Variants in CUZD1 observed in about 807,000 individuals in gnomAD.
CUZD1 encodes CUB and zona pellucida-like domain-containing protein 1.
In CUZD1, 42 loss-of-function variants were observed where a neutral mutation model predicts 53.1. The observed-to-expected ratio is 0.79, with a 90% CI of 0.62 to 1.02. The LOEUF (loss-of-function observed/expected upper bound fraction) is 1.02, where lower values mean the gene tolerates loss of function less well. Among genes scored for constraint, CUZD1 ranks in the 50% least tolerant of loss-of-function variants. The probability of loss-of-function intolerance (pLI) is 0.00; values close to 1 mark genes in which losing one functional copy is unlikely to be tolerated. For synonymous variants in CUZD1, 238 were observed against 257.2 expected, an observed-to-expected ratio of 0.93 and a Z score of 0.71; for missense variants, 670 against 715.7, an observed-to-expected ratio of 0.94 and a Z score of 0.73.
rs1175434748 is a variant in CUZD1 at position 122,845,691 on chromosome 10, A to T, written c.82+71T>A. The T allele has an allele frequency of 3.7e-6, 5 of 1,367,648 alleles. No individual in the cohort carries two copies. The East Asian group carries it at 9.4e-5, about 26-fold the overall frequency. 84.7% of individuals were successfully genotyped at this position (1,367,648 alleles called of 1,614,324 possible). ...GCCAACAGATATAAACACTTTGAAA[A>T]ATTTTGAAAGAGGCCTCTTAAGAGA... is the stretch of plus-strand genomic sequence containing the variant. On this transcript the variant is annotated intron_variant, in intron 1 of 8. Transcript: ENST00000392790.
Position 122,841,322 on chromosome 10 carries a change from G to C in CUZD1, c.89C>G (p.Ala30Gly), listed in dbSNP as rs1348112920. 12 of 1,603,410 alleles carry C rather than the reference G, an allele frequency of 7.5e-6. No homozygotes were observed. Among genetic ancestry groups the C allele is most frequent in the Non-Finnish European group, 8.5e-6 (10 of 1,175,408 alleles). Residue 30 changes from alanine (A) to glycine (G), a missense_variant, in exon 2 of 9, where the codon GCA becomes GGA. Transcript: ENST00000392790. ...ELTMAEAEGNASCTVSLGGAN... is the reference protein window; with the variant it reads ...ELTMAEAEGNGSCTVSLGGAN... ...ACCCCCTAGACTGACTGTGCAGCTT[G>C]CATTGCCTGTTAGAGATCACAGATG... is the stretch of plus-strand genomic sequence containing the variant.
intron 1 of CUZD1, among the ~76,000 whole-genome samples, chr10:122,843,677 T>C (rs1248953096): frequency 2.0e-5 from 3 of 151,820 alleles, no homozygotes; most frequent in Admixed American, 1.3e-4. Context: ...ATTTCATTTA[T>C]GTGAAATATC....
chr10:122,835,133 A>G (rs1847228712), intron 6 of CUZD1, 36 bp from the exon 7 acceptor site: 2 of 1,471,256 alleles, frequency 1.4e-6, no homozygotes, highest in Non-Finnish European at 1.8e-6. Flanking sequence ...TTTATATTTT[A>G]AGTCCAGTAA....
Position 122,837,037 on chromosome 10 carries a change from T to A in CUZD1, c.611A>T (p.Asp204Val). 1.2e-6 allele frequency: 2 copies of A among 1,611,594 alleles called. No homozygotes were observed. The highest frequency in any genetic ancestry group is 4.5e-5 in the East Asian group (2 of 44,798). Reference protein sequence around the residue: ...LNFKEIFLEIDKQCKFDFLAI... With the variant: ...LNFKEIFLEIVKQCKFDFLAI... ...AAGAAAATCAAATTTGCACTGTTTG[T>A]CTATTTCTAGGCTAGAGAATGAGGG... The change falls in exon 5 of 9, where the codon GAC (aspartate) becomes GTC (valine). Residue 204 changes from aspartate (D) to valine (V), a missense_variant. Transcript: ENST00000392790.
intron 6 of CUZD1, among the ~76,000 whole-genome samples, 196 bp downstream of exon 6, chr10:122,835,982 G>A (rs1285351505): frequency 6.6e-6 from 1 of 152,090 alleles, no homozygotes; most frequent in Non-Finnish European, 1.5e-5. Context: ...CACTTATCCT[G>A]AAAATGAATG....
intron 2 of CUZD1, among the ~76,000 whole-genome samples, chr10:122,840,890 G>C (rs1396089408): frequency 6.6e-6 from 1 of 152,106 alleles, no homozygotes. Context: ...TCTAACTCTG[G>C]TCATGCTATT....
intron 2 of CUZD1, among the ~76,000 whole-genome samples, chr10:122,840,681 C>G (rs1847327328): frequency 6.6e-6 from 1 of 152,134 alleles, no homozygotes; most frequent in South Asian, 2.1e-4. Context: ...TAAATGTATA[C>G]TTATTTCAAA....
At chr10:122,839,772 C>A (rs1847308295) in intron 2 of CUZD1, among the ~76,000 whole-genome samples, 1 of 152,220 alleles carries the variant, frequency 6.6e-6, no homozygotes, top group African/African-American at 2.4e-5. Flanking sequence ...TAGTTTGCTG[C>A]ACATTCTGAC....
At position 122,833,826 on chromosome 10, in the gene CUZD1, T is replaced by A. The variant is rs755740017; in HGVS notation, c.1497A>T (p.Lys499Asn). 2 of 1,614,066 alleles carry A rather than the reference T, an allele frequency of 1.2e-6. No individual in the cohort carries two copies. Among genetic ancestry groups the A allele is most frequent in the Admixed American group, 3.3e-5 (2 of 60,010 alleles). Residue 499 changes from lysine to asparagine, a missense_variant, in exon 8 of 9, where the codon AAA becomes AAT. Transcript: ENST00000392790. ...GGTCACTGCTATCACATATCAAAAC[T>A]TTACACTGCAGATACACAGAGCTCA... is the stretch of plus-strand genomic sequence containing the variant. Reference protein sequence around the residue: ...RSMSSVYLQCKVLICDSSDHQ... With the variant: ...RSMSSVYLQCNVLICDSSDHQ...
chr10:122,836,784 A>C (rs1471010597), intron 5 of CUZD1, 47 bp downstream of exon 5: 1 of 1,455,318 alleles, frequency 6.9e-7, no homozygotes, highest in African/African-American at 1.4e-5. Flanking sequence ...CTACATATGC[A>C]ATCTTCGAAG....
chr10:122,844,410 T>C (rs1289047436), intron 1 of CUZD1, among the ~76,000 whole-genome samples: 1 of 152,176 alleles, frequency 6.6e-6, no homozygotes, highest in Non-Finnish European at 1.5e-5. Context: ...ATTCTGTGTA[T>C]ATACTAAAAA....
intron 6 of CUZD1, 124 bp from the exon 7 acceptor site, chr10:122,835,221 G>A: frequency 1.6e-6 from 1 of 627,068 alleles, no homozygotes; most frequent in Non-Finnish European, 2.6e-6. Flanking sequence ...CAGCTTTCAT[G>A]TCAGAATACT....
chr10:122,836,084 G>A (rs1456900712), intron 6 of CUZD1, 94 bp downstream of exon 6: 38 of 1,221,216 alleles, frequency 3.1e-5, no homozygotes, highest in Admixed American at 5.3e-5. Context: ...TTTGGGGGTC[G>A]TTTGTTACAG....
At chr10:122,837,329 T>C in intron 4 of CUZD1, 75 bp downstream of exon 4, 3 of 1,489,662 alleles carry the variant, frequency 2.0e-6, no homozygotes, top group Non-Finnish European at 2.8e-6. Context: ...TATGATAATT[T>C]CTCTTCCCCA....
chr10:122,845,524 T>TA (rs1356012639), intron 1 of CUZD1, among the ~76,000 whole-genome samples: 3 of 152,326 alleles, frequency 2.0e-5, no homozygotes, highest in East Asian at 3.9e-4. Context: ...TTCCAAAACA[T>TA]AAACTCTTAG....
chr10:122,839,081 A>G lies in CUZD1; in HGVS notation c.384T>C (p.Val128=). 6.2e-7 allele frequency: 1 copy of G among 1,614,148 alleles called. No individual in the cohort carries two copies. The part of the protein sequence containing the change: ...SSSSTLTFQI[V]TDSARIQRTV... ...TTCTTTGAATTCTTGCTGAGTCAGT[A>G]ACTATTTGAAACGTCAATGTACTGG... Residue 128 remains valine, a synonymous_variant, in exon 3 of 9, where the codon GTT becomes GTC. Transcript: ENST00000392790.
chr10:122,836,176 A>C lies in CUZD1; in HGVS notation c.990+2T>G, dbSNP rs1847246893. ...AATCCAGCTATCAGTATTTCACTTT[A>C]CCTTTCTGATTGTACCACATCCATT... is the stretch of plus-strand genomic sequence containing the variant. On this transcript the variant is annotated splice_donor_variant, in intron 6 of 8. Transcript: ENST00000392790. LOFTEE classifies it high-confidence loss of function. The C allele has an allele frequency of 2.5e-6, 4 of 1,598,456 alleles. No homozygotes were observed. Among genetic ancestry groups the C allele is most frequent in the Non-Finnish European group, 3.4e-6 (4 of 1,174,950 alleles).
intron 1 of CUZD1, 84 bp downstream of exon 1, chr10:122,845,678 A>C: frequency 1.7e-6 from 2 of 1,160,264 alleles, no homozygotes; most frequent in Non-Finnish European, 2.5e-6. Flanking sequence ...CAACAGATAT[A>C]AACACTTTGA....
At chr10:122,832,540 A>G (rs1252109729) in intron 8 of CUZD1, 90 bp from the exon 9 acceptor site, 4 of 1,052,132 alleles carry the variant, frequency 3.8e-6, no homozygotes, top group Middle Eastern at 2.1e-4. Flanking sequence ...TACATATCCT[A>G]TGAATCTTAT....
Sources: allele counts gnomAD v4.1 joint callset (sites outside exome capture counted in the v4.1 genomes callset), GRCh38; gene constraint gnomAD v4.1.1; transcripts MANE v1.5; gene names NCBI Gene and HGNC (gene_info 2026-07-23, HGNC 2026-07-21).